CEP128: variants seen among roughly 807,000 people sequenced by gnomAD.
CEP128 encodes centrosomal protein 128.
A neutral mutation model predicts 156.7 loss-of-function variants in CEP128; 132 were observed. The ratio of observed to expected loss-of-function variants is 0.84; its 90% CI spans 0.73 to 0.97. The LOEUF (loss-of-function observed/expected upper bound fraction) is 0.97, where lower values mean the gene tolerates loss of function less well. Among genes scored for constraint, CEP128 ranks in the 50% least tolerant of loss-of-function variants. CEP128 has a pLI of 0.00. For missense variants in CEP128, 1,252 were observed against 1,281.9 expected (o/e 0.98, Z 0.36); for synonymous variants, 469 against 448.9 (o/e 1.04, Z -0.57).
intron 13 of CEP128, among the ~76,000 whole-genome samples, chr14:80,821,909 C>T (rs1005198661): frequency 6.7e-6 from 1 of 149,070 alleles, no homozygotes; most frequent in Admixed American, 6.7e-5. Flanking sequence ...GAAAGCCTCA[C>T]AATCATGGCG....
chr14:80,824,495 G>A (rs768571701), intron 13 of CEP128, among the ~76,000 whole-genome samples: 1 of 152,138 alleles, frequency 6.6e-6, no homozygotes, highest in Non-Finnish European at 1.5e-5. Flanking sequence ...GTCACCTCTT[G>A]AATGCTTTGC....
intron 6 of CEP128, among the ~76,000 whole-genome samples, chr14:80,490,934 C>T (rs1043392788): frequency 6.6e-6 from 1 of 152,158 alleles, no homozygotes; most frequent in African/African-American, 2.4e-5. Context: ...TTGGCGCCAT[C>T]ACCAAAGTTT....
At chr14:80,893,261 T>C (rs576486903) in intron 8 of CEP128, among the ~76,000 whole-genome samples, 11 of 151,866 alleles carry the variant, frequency 7.2e-5, no homozygotes, top group Non-Finnish European at 1.0e-4. Flanking sequence ...ACTAATTAAA[T>C]ATGGAATCTA....
chr14:80,746,839 T>C (rs73340525), intron 18 of CEP128, among the ~76,000 whole-genome samples: 1 of 152,178 alleles, frequency 6.6e-6, no homozygotes, highest in African/African-American at 2.4e-5. Context: ...CAACTCAATG[T>C]CTAATAAGGG....
At chr14:80,694,366 G>T (rs571216257) in intron 19 of CEP128, among the ~76,000 whole-genome samples, 2 of 152,200 alleles carry the variant, frequency 1.3e-5, no homozygotes, top group African/African-American at 4.8e-5. Context: ...TCTAGAACCA[G>T]GAATACAATT....
chr14:80,802,532 G>A (rs917077240), intron 13 of CEP128, among the ~76,000 whole-genome samples: 1 of 139,088 alleles, frequency 7.2e-6, no homozygotes, highest in African/African-American at 2.6e-5. Flanking sequence ...CACCAGGGGG[G>A]CCTGTTGGGG....
chr14:80,592,561 A>T (rs1212467128), intron 19 of CEP128, among the ~76,000 whole-genome samples: 1 of 152,174 alleles, frequency 6.6e-6, no homozygotes, highest in Non-Finnish European at 1.5e-5. Context: ...GCCGAATTCT[A>T]CCAGAGGTAC....
intron 7 of CEP128, among the ~76,000 whole-genome samples, chr14:80,897,905 G>A (rs1241735351): frequency 1.3e-5 from 2 of 152,106 alleles, no homozygotes; most frequent in Non-Finnish European, 2.9e-5. Context: ...AGCCTCCCAA[G>A]TAGCTGGGAC....
chr14:80,719,784 G>C (rs570637392), intron 19 of CEP128, among the ~76,000 whole-genome samples: 5 of 152,196 alleles, frequency 3.3e-5, no homozygotes, highest in South Asian at 2.1e-4. Context: ...TGAAATCATG[G>C]CAATCCAGGA....
intron 24 of CEP128, among the ~76,000 whole-genome samples, chr14:80,500,284 C>T (rs573207205): frequency 3.9e-5 from 6 of 152,280 alleles, no homozygotes; most frequent in African/African-American, 1.4e-4. Flanking sequence ...GAATGAATGC[C>T]TTAGCATCTA....
chr14:80,559,247 G>C (rs1566779531), intron 21 of CEP128, 32 bp downstream of exon 21: 1 of 1,592,574 alleles, frequency 6.3e-7, no homozygotes, highest in East Asian at 2.3e-5. Flanking sequence ...CAGTAATTCT[G>C]ATAAAAGGAG....
At chr14:80,636,425 T>C (rs1196409598) in intron 19 of CEP128, among the ~76,000 whole-genome samples, 1 of 152,236 alleles carries the variant, frequency 6.6e-6, no homozygotes, top group Non-Finnish European at 1.5e-5. Context: ...CAGTCAGTTA[T>C]GCAGCTCAAA....
chr14:80,799,092 T>G (rs1220226076), intron 13 of CEP128, among the ~76,000 whole-genome samples: 1 of 152,176 alleles, frequency 6.6e-6, no homozygotes, highest in Non-Finnish European at 1.5e-5. Flanking sequence ...GGAAACAGAA[T>G]GAGTCACTCA....
intron 19 of CEP128, among the ~76,000 whole-genome samples, chr14:80,648,474 A>G (rs1307913865): frequency 6.6e-6 from 1 of 152,112 alleles, no homozygotes; most frequent in African/African-American, 2.4e-5. Flanking sequence ...ATTATAACTA[A>G]TATTACTAGC....
At chr14:80,817,054 G>T (rs902428803) in intron 13 of CEP128, among the ~76,000 whole-genome samples, 12 of 151,234 alleles carry the variant, frequency 7.9e-5, no homozygotes, top group African/African-American at 2.7e-4. Flanking sequence ...ACCAACCAAA[G>T]CTTAATGAGA....
intron 2 of CEP128, among the ~76,000 whole-genome samples, chr14:80,920,902 C>T (rs1387465914): frequency 6.6e-6 from 1 of 151,920 alleles, no homozygotes; most frequent in Non-Finnish European, 1.5e-5. Context: ...ATACCTTTGC[C>T]CTGGTAATTA....
intron 21 of CEP128, among the ~76,000 whole-genome samples, chr14:80,539,401 G>T (rs1052261058): frequency 6.6e-6 from 1 of 152,192 alleles, no homozygotes; most frequent in African/African-American, 2.4e-5. Context: ...AGAGGGACCG[G>T]CTGGAGCCGC....
chr14:80,875,045 C>G lies in CEP128; in HGVS notation c.646-12172G>C, dbSNP rs193252959. On this transcript the variant is annotated intron_variant, in intron 8 of 24. Coordinates refer to ENST00000555265, the MANE Select transcript of CEP128 (RefSeq NM_152446.5). ...AGAACGACTTTTTCCCCTGAAATAT[C>G]AGCTCATTTCAGAAAAGGCAGCTGA... is the stretch of plus-strand genomic sequence containing the variant. Among the ~76,000 whole-genome samples, 10 of 152,296 alleles carry G rather than the reference C, an allele frequency of 6.6e-5. No individual in the cohort carries two copies. In the East Asian group the frequency reaches 1.9e-3, roughly 29 times the overall value.
intron 19 of CEP128, among the ~76,000 whole-genome samples, chr14:80,719,476 G>A (rs545165759): frequency 6.6e-6 from 1 of 152,250 alleles, no homozygotes; most frequent in South Asian, 2.1e-4. Context: ...TCAGTGCCAT[G>A]ACCAAAGCTT....
Sources: allele counts gnomAD v4.1 joint callset (sites outside exome capture counted in the v4.1 genomes callset), GRCh38; gene constraint gnomAD v4.1.1; transcripts MANE v1.5; gene names NCBI Gene and HGNC (gene_info 2026-07-23, HGNC 2026-07-21).